RILP: variants seen among roughly 807,000 people sequenced by gnomAD.
RILP encodes rab-interacting lysosomal protein.
Under a neutral mutation model 40.0 loss-of-function variants are expected in RILP, and 53 were observed. The observed-to-expected ratio is 1.32, with a 90% CI of 1.06 to 1.66. The LOEUF (loss-of-function observed/expected upper bound fraction) is 1.66. RILP is among the 40% of genes most tolerant of loss of function. The pLI, the probability that RILP is intolerant of heterozygous loss-of-function variation, is 0.00. For missense variants in RILP, 626 were observed against 551.7 expected, an observed-to-expected ratio of 1.13 and a Z score of -1.35; for synonymous variants, 272 against 250.6, an observed-to-expected ratio of 1.09 and a Z score of -0.80.
At chr17:1,647,721 G>T in intron 6 of RILP, 114 bp downstream of exon 6, 2 of 1,369,276 alleles carry the variant, frequency 1.5e-6, no homozygotes, top group Non-Finnish European at 1.0e-6. Flanking sequence ...ACCGGGTTGG[G>T]GTGACAGCCT....
Position 1,648,211 on chromosome 17 carries a change from A to G in RILP, c.821+139T>C, listed in dbSNP as rs1358523398. 18 of 1,195,116 alleles carry G rather than the reference A, an allele frequency of 1.5e-5. No individual in the cohort carries two copies. Among genetic ancestry groups the G allele is most frequent in the East Asian group, 2.5e-5 (1 of 39,254 alleles). 74.0% of individuals were successfully genotyped at this position (1,195,116 alleles called of 1,614,324 possible). On this transcript the variant is annotated intron_variant, in intron 5 of 7. Transcript: ENST00000301336. The surrounding 1 kb of genome is among the most constrained non-coding windows in gnomAD (Gnocchi z 4.9). ...TGTCCCTCTCCCCTGTCTGGATGAC[A>G]TTGCAGGAGGGCAAGGGCTGTACAA...
intron 6 of RILP, 87 bp from the exon 7 acceptor site, chr17:1,647,076 G>C: frequency 1.2e-6 from 1 of 829,262 alleles, no homozygotes; most frequent in East Asian, 2.9e-5. Context: ...TGGAGGGACT[G>C]CAGGGCCCCC....
rs1394683851 is a variant in RILP at position 1,649,212 on chromosome 17, C to T, written c.417G>A (p.Gln139=). 2.0e-6 allele frequency: 3 copies of T among 1,481,790 alleles called. No homozygotes were observed. The highest frequency in any genetic ancestry group is 1.3e-5 in the South Asian group (1 of 79,034). The allele number at this position is 1,481,790 out of a possible 1,614,324, so 91.8% of individuals were successfully genotyped here. ...GCCCCGCCCTCACCGCCTCGGTCTCCTGGCCGCGCTGCCGCAGGTCGCGGT... is the reference window on the plus strand; with the variant it reads ...GCCCCGCCCTCACCGCCTCGGTCTCTTGGCCGCGCTGCCGCAGGTCGCGGT... ...AHNRDLRQRG[Q]ETEALQEQLQ... Residue 139 remains glutamine, a synonymous_variant, in exon 3 of 8, where the codon CAG becomes CAA. Transcript: ENST00000301336. The surrounding 1 kb of genome is among the most constrained non-coding windows in gnomAD (Gnocchi z 4.3).
Position 1,646,502 on chromosome 17 carries a change from C to T in RILP, c.1146G>A (p.Pro382=), listed in dbSNP as rs112166919. ...GGTGTTCGTGGAGGGCAGAACAGGG[C>T]GGATCAGGAGCTGGAGACTGTGGTT... ...EAQPQSPAPD[P]PCSALHEHLC... The change falls in exon 8 of 8, where the codon CCG becomes CCA. Residue 382 remains proline, a synonymous_variant. Coordinates refer to ENST00000301336, the MANE Select transcript of RILP (RefSeq NM_031430.3). This position sits in a 1 kb window ranked among gnomAD's most constrained non-coding sequence, Gnocchi z 4.3. 9 of 1,612,698 alleles carry T rather than the reference C, an allele frequency of 5.6e-6. No homozygotes were observed. Among genetic ancestry groups the T allele is most frequent in the South Asian group, 4.4e-5 (4 of 90,890 alleles).
Position 1,646,622 on chromosome 17 carries a change from GGA to G in RILP, c.1029-5_1029-4del, listed in dbSNP as rs1312462053. The G allele has an allele frequency of 4.5e-6, 7 of 1,565,832 alleles. No individual in the cohort carries two copies. Among genetic ancestry groups the G allele is most frequent in the Non-Finnish European group, 6.1e-6 (7 of 1,155,000 alleles). On this transcript the variant is annotated splice_region_variant and splice_polypyrimidine_tract_variant and intron_variant, in intron 7 of 7. Transcript: ENST00000301336. The surrounding 1 kb of genome is among the most constrained non-coding windows in gnomAD (Gnocchi z 4.3). ...TACCCCGATACCATAGGCCAAAGCT[GGA>G]GAGAGACAGCCAGAGGCACTTTGAG...
rs1167238720 is a variant in RILP, at chr17:1,649,828, G to A, written c.-24C>T. The A allele has an allele frequency of 7.4e-6, 11 of 1,496,498 alleles. No homozygotes were observed. The highest frequency in any genetic ancestry group is 9.8e-6 in the Non-Finnish European group (11 of 1,120,434). 92.7% of individuals were successfully genotyped at this position (1,496,498 alleles called of 1,614,324 possible). A position where few individuals can be genotyped will look rare whatever the true frequency, so the allele number is the denominator to read the frequency against. On this transcript the variant is annotated 5_prime_UTR_variant, in exon 1 of 8. Coordinates refer to ENST00000301336, the MANE Select transcript of RILP (RefSeq NM_031430.3). The surrounding 1 kb of genome is among the most constrained non-coding windows in gnomAD (Gnocchi z 4.3). The stretch of plus-strand genomic sequence containing the variant: ...ATGTCTCCCAGAGGCTTAGGGCTGC[G>A]ACCCCCCCACCCCACCCTCCACTGG...
intron 6 of RILP, among the ~76,000 whole-genome samples, chr17:1,647,302 G>A (rs973942048): frequency 1.3e-5 from 2 of 152,088 alleles, no homozygotes; most frequent in African/African-American, 4.8e-5. Context: ...ACCATGCCCG[G>A]CTAATTTTTG....
rs868506432 is a variant in RILP, at chr17:1,649,234, C to T, written c.395G>A (p.Arg132His). ...CTCCTGGCCGCGCTGCCGCAGGTCG[C>T]GGTTGTGCGCCCGGAGTTCGTCCCG... ...RQRDELRAHNRDLRQRGQETE... is the reference protein window; with the variant it reads ...RQRDELRAHNHDLRQRGQETE... The change falls in exon 3 of 8, where the codon CGC (arginine) becomes CAC (histidine). Residue 132 changes from arginine (R) to histidine (H), a missense_variant. Arg to His is a conservative substitution (Grantham distance 29). Coordinates refer to ENST00000301336, the MANE Select transcript of RILP (RefSeq NM_031430.3). This position sits in a 1 kb window ranked among gnomAD's most constrained non-coding sequence, Gnocchi z 4.3. 2.0e-6 allele frequency: 3 copies of T among 1,494,296 alleles called. No homozygotes were observed. Among genetic ancestry groups the T allele is most frequent in the Admixed American group, 2.1e-5 (1 of 47,752 alleles). The allele number at this position is 1,494,296 out of a possible 1,614,324, so 92.6% of individuals were successfully genotyped here.
Position 1,646,475 on chromosome 17 carries a change from A to T in RILP, c.1173T>A (p.Leu391=). The change falls in exon 8 of 8, where the codon CTT becomes CTA. Residue 391 remains leucine, a synonymous_variant. Transcript: ENST00000301336. This position sits in a 1 kb window ranked among gnomAD's most constrained non-coding sequence, Gnocchi z 4.3. ...CTGGGGCGGCTGAGGCCCCCAGACAAAGGTGTTCGTGGAGGGCAGAACAGG... is the reference window on the plus strand; with the variant it reads ...CTGGGGCGGCTGAGGCCCCCAGACATAGGTGTTCGTGGAGGGCAGAACAGG... ...DPPCSALHEH[L]CLGASAAPEA is the part of the protein sequence containing the mutation. 1 of 1,602,762 alleles carries T rather than the reference A, an allele frequency of 6.2e-7. No individual in the cohort carries two copies. Among genetic ancestry groups the T allele is most frequent in the Non-Finnish European group, 8.5e-7 (1 of 1,175,182 alleles).
In RILP at chr17:1,646,620, C is replaced by A; in HGVS notation, c.1029-1G>T. 1 of 1,567,618 alleles carries A rather than the reference C, an allele frequency of 6.4e-7. No homozygotes were observed. The highest frequency in any genetic ancestry group is 8.7e-7 in the Non-Finnish European group (1 of 1,156,018). On this transcript the variant is annotated splice_acceptor_variant, in intron 7 of 7. Transcript: ENST00000301336. LOFTEE classifies it high-confidence loss of function. This position sits in a 1 kb window ranked among gnomAD's most constrained non-coding sequence, Gnocchi z 4.3. ...TTTACCCCGATACCATAGGCCAAAGCTGGAGAGAGACAGCCAGAGGCACTT... is the reference window on the plus strand; with the variant it reads ...TTTACCCCGATACCATAGGCCAAAGATGGAGAGAGACAGCCAGAGGCACTT...
chr17:1,649,009 G>A lies in RILP; in HGVS notation c.465C>T (p.Asn155=), dbSNP rs1910784797. Residue 155 remains asparagine (N), a synonymous_variant, in exon 4 of 8, where the codon AAC becomes AAT. Transcript: ENST00000301336. The surrounding 1 kb of genome is among the most constrained non-coding windows in gnomAD (Gnocchi z 4.3). ...QEQLQRLLLV[N]AELRHKLAAM... Reference sequence around the variant, plus strand: ...CCGCCAGCTTGTGCCGCAGCTCAGCGTTCACCAGCAGGAGGCGCTGCAGCT... The same window carrying A: ...CCGCCAGCTTGTGCCGCAGCTCAGCATTCACCAGCAGGAGGCGCTGCAGCT... 1.6e-6 allele frequency: 2 copies of A among 1,257,666 alleles called. No homozygotes were observed. Among genetic ancestry groups the A allele is most frequent in the Non-Finnish European group, 2.0e-6 (2 of 983,728 alleles). 77.9% of individuals were successfully genotyped at this position (1,257,666 alleles called of 1,614,324 possible).
Position 1,646,645 on chromosome 17 carries a change from T to C in RILP, c.1029-26A>G, listed in dbSNP as rs1288788188. 1.3e-6 allele frequency: 2 copies of C among 1,546,432 alleles called. No homozygotes were observed. The highest frequency in any genetic ancestry group is 2.5e-5 in the South Asian group (2 of 80,958). ...CTGGAGAGAGACAGCCAGAGGCACT[T>C]TGAGCCAGGAAGCCAGAGAGGTCAA... On this transcript the variant is annotated intron_variant, in intron 7 of 7. Coordinates refer to ENST00000301336, the MANE Select transcript of RILP (RefSeq NM_031430.3). The surrounding 1 kb of genome is among the most constrained non-coding windows in gnomAD (Gnocchi z 4.3).
rs1035831778 is a variant in RILP, at chr17:1,648,447, G to A, written c.724C>T (p.Arg242Cys). 25 of 1,613,926 alleles carry A rather than the reference G, an allele frequency of 1.5e-5. No homozygotes were observed. The highest frequency in any genetic ancestry group is 2.0e-5 in the Non-Finnish European group (24 of 1,180,030). ...TGCTCAAACTCCTCCCGACTGAAGC[G>A]GCACTGCCCTGCCTCCGAGGGGCGC... ...LGRPSEAGQCRFSREEFEQIL... is the reference protein window; with the variant it reads ...LGRPSEAGQCCFSREEFEQIL... Residue 242 changes from arginine (R) to cysteine (C), a missense_variant, in exon 5 of 8, where the codon CGC (arginine) becomes TGC (cysteine). Arg to Cys is a radical substitution (Grantham distance 180). Transcript: ENST00000301336. The surrounding 1 kb of genome is among the most constrained non-coding windows in gnomAD (Gnocchi z 4.9).
At position 1,649,592 on chromosome 17, in the gene RILP, C is replaced by T. The variant is rs748292545; in HGVS notation, c.213G>A (p.Gly71=). The T allele has an allele frequency of 9.6e-6, 15 of 1,566,842 alleles. No individual in the cohort carries two copies. The South Asian group carries it at 1.4e-4, about 14-fold the overall frequency. ...ALELLEQAAV[G]PAPDSLQVSA... ...CATGACTCACCGAGTCCGGGGCGGG[C>T]CCCACGGCAGCCTGTTCCAAGAGCT... Residue 71 remains glycine, a synonymous_variant, in exon 1 of 8, where the codon GGG becomes GGA. Coordinates refer to ENST00000301336, the MANE Select transcript of RILP (RefSeq NM_031430.3). This position sits in a 1 kb window ranked among gnomAD's most constrained non-coding sequence, Gnocchi z 4.3.
In RILP at chr17:1,648,271, A is replaced by G. The variant is rs1217060404; in HGVS notation, c.821+79T>C. 2.0e-6 allele frequency: 3 copies of G among 1,533,530 alleles called. No homozygotes were observed. The highest frequency in any genetic ancestry group is 2.7e-6 in the Non-Finnish European group (3 of 1,130,504). 95.0% of individuals were successfully genotyped at this position (1,533,530 alleles called of 1,614,324 possible). ...TCCCAGTTCCCAGCGCAGGCCTGGC[A>G]CATGTCACTGTGGACATGTCAATGA... On this transcript the variant is annotated intron_variant, in intron 5 of 7. Transcript: ENST00000301336. The surrounding 1 kb of genome is among the most constrained non-coding windows in gnomAD (Gnocchi z 4.9).
chr17:1,649,349 G>T lies in RILP; in HGVS notation c.323-43C>A. ...TTAGCGGCGGCGGCGCGCGGCCCGC[G>T]GGAGGGAGGGGAGGACCCGAGCAGG... On this transcript the variant is annotated intron_variant, in intron 2 of 7. Coordinates refer to ENST00000301336, the MANE Select transcript of RILP (RefSeq NM_031430.3). This position sits in a 1 kb window ranked among gnomAD's most constrained non-coding sequence, Gnocchi z 4.3. The T allele has an allele frequency of 6.7e-7, 1 of 1,485,050 alleles. No homozygotes were observed. The highest frequency in any genetic ancestry group is 2.2e-5 in the Admixed American group (1 of 45,738). The allele number at this position is 1,485,050 out of a possible 1,614,324, so 92.0% of individuals were successfully genotyped here.
Position 1,649,620 on chromosome 17 carries a change from A to G in RILP, c.185T>C (p.Leu62Pro), listed in dbSNP as rs2151107151. 1.3e-6 allele frequency: 2 copies of G among 1,580,832 alleles called. No homozygotes were observed. Among genetic ancestry groups the G allele is most frequent in the African/African-American group, 1.3e-5 (1 of 74,410 alleles). ...CACGGCAGCCTGTTCCAAGAGCTCC[A>G]GCGCCCGCACCACTAGCGGCACCAG... Reference protein sequence around the residue: ...AGLVPLVVRALELLEQAAVGP... With the variant: ...AGLVPLVVRAPELLEQAAVGP... Residue 62 changes from leucine to proline, a missense_variant, in exon 1 of 8, where the codon CTG (leucine) becomes CCG (proline). Physicochemically the swap from Leu to Pro is moderately conservative, Grantham distance 98. Coordinates refer to ENST00000301336, the MANE Select transcript of RILP (RefSeq NM_031430.3). The surrounding 1 kb of genome is among the most constrained non-coding windows in gnomAD (Gnocchi z 4.3).
Position 1,649,675 on chromosome 17 carries a change from G to A in RILP, c.130C>T (p.Arg44Cys), listed in dbSNP as rs781479554. 1.9e-5 allele frequency: 31 copies of A among 1,590,462 alleles called. No homozygotes were observed. Among genetic ancestry groups the A allele is most frequent in the Non-Finnish European group, 2.5e-5 (29 of 1,176,046 alleles). The change falls in exon 1 of 8, where the codon CGC (arginine) becomes TGC (cysteine). Residue 44 changes from arginine to cysteine, a missense_variant. Physicochemically the swap from Arg to Cys is radical, Grantham distance 180. Coordinates refer to ENST00000301336, the MANE Select transcript of RILP (RefSeq NM_031430.3). The surrounding 1 kb of genome is among the most constrained non-coding windows in gnomAD (Gnocchi z 4.3). ...GCCGCCGCCTCCGGCCCGAAACGGC[G>A]CGCCAGATCCTGCAGCTCAGTGCCC... Reference protein sequence around the residue: ...ALGTELQDLARRFGPEAAAGL... With the variant: ...ALGTELQDLACRFGPEAAAGL...
Position 1,646,239 on chromosome 17 carries a change from G to A in RILP, c.*203C>T. The A allele has an allele frequency of 2.0e-6, 1 of 494,392 alleles. No individual in the cohort carries two copies. The highest frequency in any genetic ancestry group is 3.5e-6 in the Non-Finnish European group (1 of 283,970). The allele number at this position is 494,392 out of a possible 1,614,324, so 30.6% of individuals were successfully genotyped here. A position where few individuals can be genotyped will look rare whatever the true frequency, so the allele number is the denominator to read the frequency against. ...GCTAGGCAGTCAGCTCTCATTTCATGGATGGGGAAACTGAGACTCAGAGAG... is the reference window on the plus strand; with the variant it reads ...GCTAGGCAGTCAGCTCTCATTTCATAGATGGGGAAACTGAGACTCAGAGAG... On this transcript the variant is annotated 3_prime_UTR_variant, in exon 8 of 8. Coordinates refer to ENST00000301336, the MANE Select transcript of RILP (RefSeq NM_031430.3). The surrounding 1 kb of genome is among the most constrained non-coding windows in gnomAD (Gnocchi z 4.3).
Sources: gnomAD v4.1 joint callset for allele counts (sites outside exome capture counted in the v4.1 genomes callset) on GRCh38, gnomAD v4.1.1 for gene constraint, Gnocchi (gnomAD v3.1) non-coding constraint, MANE v1.5 for transcripts, NCBI Gene and HGNC (gene_info 2026-07-23, HGNC 2026-07-21) for gene names.